CUL4B: variants seen among roughly 807,000 people sequenced by gnomAD.
The protein encoded by CUL4B is cullin 4B.
A neutral mutation model predicts 69.2 loss-of-function variants in CUL4B; 1 was observed. The observed-to-expected ratio is 0.01, with a 90% CI of 0.01 to 0.07. The LOEUF (loss-of-function observed/expected upper bound fraction) is 0.07. Among genes scored for constraint, CUL4B ranks in the 10% least tolerant of loss-of-function variants. The probability of loss-of-function intolerance (pLI) is 1.00; values close to 1 mark genes in which losing one functional copy is unlikely to be tolerated. For missense variants in CUL4B, 328 were observed against 638.8 expected (o/e 0.51, Z 5.24); for synonymous variants, 237 against 223.2 (o/e 1.06, Z -0.55).
chrX:120,555,981 C>A (rs1278483628), intron 2 of CUL4B, among the ~76,000 whole-genome samples: 2 of 106,159 alleles, frequency 1.9e-5, no homozygotes, highest in Admixed American at 2.0e-4. Context: ...GTAACTACTA[C>A]CCTACGTACC....
chrX:120,538,910 A>G, intron 12 of CUL4B, 140 bp from the exon 13 acceptor site: 1 of 457,618 alleles, frequency 2.2e-6, no homozygotes, highest in Non-Finnish European at 3.7e-6. Context: ...TAAATGCAAG[A>G]AACAGTAGAG....
chrX:120,535,362 C>T (rs1390609774), intron 16 of CUL4B, among the ~76,000 whole-genome samples: 2 of 110,857 alleles, frequency 1.8e-5, no homozygotes, highest in South Asian at 3.8e-4. Context: ...AAAGCTATGA[C>T]AAACTATCAC....
chrX:120,566,937 G>A (rs1234029093), downstream of CUL4B, among the ~76,000 whole-genome samples: 1 of 110,353 alleles, frequency 9.1e-6, no homozygotes, highest in Non-Finnish European at 1.9e-5. Flanking sequence ...CCAAGGACTT[G>A]CTTATGGAGT....
intron 14 of CUL4B, 24 bp from the exon 15 acceptor site, chrX:120,537,058 C>T (rs780970623): frequency 2.9e-6 from 3 of 1,025,247 alleles, no homozygotes; most frequent in East Asian, 3.0e-5. Flanking sequence ...AAAACACACA[C>T]TGAGATCTTA....
rs1486203578 is a variant in CUL4B at position 120,536,095 on chromosome X, C to T, written c.2047-152G>A. On this transcript the variant is annotated intron_variant, in intron 15 of 19. Coordinates refer to ENST00000371322, the MANE Select transcript of CUL4B (RefSeq NM_001079872.2). ...CACTTTGATGAAAAACAATGATCTCCCAACCACCAAATCAAATGGGATTTA... is the reference window on the plus strand; with the variant it reads ...CACTTTGATGAAAAACAATGATCTCTCAACCACCAAATCAAATGGGATTTA... 1.1e-5 allele frequency: 5 copies of T among 467,994 alleles called. No individual in the cohort carries two copies. The East Asian group carries it at 1.9e-4, about 18-fold the overall frequency. The allele number at this position is 467,994 out of a possible 1,213,427, so 38.6% of individuals were successfully genotyped here.
At chrX:120,528,552 CT>C (rs1422885026) in intron 19 of CUL4B, among the ~76,000 whole-genome samples, 3 of 110,503 alleles carry the variant, frequency 2.7e-5, no homozygotes, top group African/African-American at 9.9e-5. Context: ...AAAACCCCGT[CT>C]CTACTAAAAA....
At chrX:120,567,867 C>G (rs1925602302), downstream of CUL4B, among the ~76,000 whole-genome samples, 1 of 103,201 alleles carries the variant, frequency 9.7e-6, no homozygotes, top group Non-Finnish European at 2.0e-5. Flanking sequence ...AAGTAAGACT[C>G]TGAAGAAAAA....
rs747816205 is a variant in CUL4B at position 120,534,477 on chromosome X, A to T, written c.2266+4T>A. 5.4e-5 allele frequency: 62 copies of T among 1,151,833 alleles called. 1 individual carries two copies. In the Middle Eastern group the frequency reaches 4.0e-3, roughly 75 times the overall value. 94.9% of individuals were successfully genotyped at this position (1,151,833 alleles called of 1,213,427 possible). On this transcript the variant is annotated splice_donor_region_variant and intron_variant, in intron 17 of 19. Coordinates refer to ENST00000371322, the MANE Select transcript of CUL4B (RefSeq NM_001079872.2). ...ATAGTGAACAATTAATGTTTGCTACAAACCTATTCCAGTTGCCTGCTTGAT... is the reference window on the plus strand; with the variant it reads ...ATAGTGAACAATTAATGTTTGCTACTAACCTATTCCAGTTGCCTGCTTGAT...
chrX:120,559,042 C>T (rs1925137442), intron 1 of CUL4B, among the ~76,000 whole-genome samples: 1 of 110,917 alleles, frequency 9.0e-6, no homozygotes, highest in African/African-American at 3.3e-5. Flanking sequence ...ATAGACAACA[C>T]CATAGCCCTC....
rs901982029 is a variant in CUL4B at position 120,560,700 on chromosome X, G to C, written c.-62C>G. 2 of 1,160,298 alleles carry C rather than the reference G, an allele frequency of 1.7e-6. No homozygotes were observed. Among genetic ancestry groups the C allele is most frequent in the African/African-American group, 3.6e-5 (2 of 56,105 alleles). On this transcript the variant is annotated 5_prime_UTR_variant, in exon 1 of 20. Transcript: ENST00000371322. ...AACCTACGTTTATATGCCTGCGTGC[G>C]TGTAGGAGAGAAGGTAGCAATGCTA... is the stretch of plus-strand genomic sequence containing the variant.
intron 2 of CUL4B, among the ~76,000 whole-genome samples, chrX:120,550,144 C>T (rs771328045): frequency 8.9e-6 from 1 of 112,095 alleles, no homozygotes; most frequent in Admixed American, 9.5e-5. Flanking sequence ...CATCATACCA[C>T]ACTGACTTAG....
chrX:120,526,178 C>T lies in CUL4B; in HGVS notation c.*583G>A. The T allele has an allele frequency of 8.8e-6, 1 of 113,604 alleles. No homozygotes were observed. Among genetic ancestry groups the T allele is most frequent in the Non-Finnish European group, 1.9e-5 (1 of 53,528 alleles). 9.4% of individuals were successfully genotyped at this position (113,604 alleles called of 1,213,427 possible). A position where few individuals can be genotyped will look rare whatever the true frequency, so the allele number is the denominator to read the frequency against. On this transcript the variant is annotated 3_prime_UTR_variant, in exon 20 of 20. Transcript: ENST00000371322. Reference sequence around the variant, plus strand: ...GTCCCCCTACTTGAAAACTTGTTTCCAAATAATTTTTTTTAAAAAACATCC... The same window carrying T: ...GTCCCCCTACTTGAAAACTTGTTTCTAAATAATTTTTTTTAAAAAACATCC...
intron 16 of CUL4B, 116 bp from the exon 17 acceptor site, chrX:120,534,702 T>A: frequency 1.8e-6 from 1 of 543,146 alleles, no homozygotes; most frequent in Non-Finnish European, 3.2e-6. Flanking sequence ...TGATTAGCAT[T>A]ATCCAGCAAA....
At chrX:120,565,059 T>C (rs765728839), upstream of CUL4B, among the ~76,000 whole-genome samples, 1 of 112,374 alleles carries the variant, frequency 8.9e-6, no homozygotes, top group Admixed American at 9.4e-5. Flanking sequence ...TGTCAATTCC[T>C]TTATTTCTGT....
At chrX:120,562,611 T>C (rs1026984524), upstream of CUL4B, among the ~76,000 whole-genome samples, 1 of 111,832 alleles carries the variant, frequency 8.9e-6, no homozygotes, top group Non-Finnish European at 1.9e-5. Flanking sequence ...AAATCTGGAA[T>C]AGGAAGAGTT....
At position 120,541,615 on chromosome X, in the gene CUL4B, A is replaced by T; in HGVS notation, c.1430T>A (p.Ile477Asn). ...AATTGTTAATACCTTGATATATTCG[A>T]TCCACTGCTGCAAAAGAACCTGAAC... ...GGVQVLLQQW[I>N]EYIKAFGSTI... Residue 477 changes from isoleucine to asparagine, a missense_variant, in exon 10 of 20, where the codon ATC (isoleucine) becomes AAC (asparagine). Coordinates refer to ENST00000371322, the MANE Select transcript of CUL4B (RefSeq NM_001079872.2). The T allele has an allele frequency of 8.4e-7, 1 of 1,184,407 alleles. No homozygotes were observed. The highest frequency in any genetic ancestry group is 1.1e-6 in the Non-Finnish European group (1 of 870,470).
chrX:120,533,425 A>G (rs1026785030), intron 17 of CUL4B, among the ~76,000 whole-genome samples: 6 of 111,930 alleles, frequency 5.4e-5, no homozygotes, highest in African/African-American at 1.9e-4. Context: ...GGCCCTACTC[A>G]TCTTACCTAA....
rs60058698 is a variant in CUL4B at position 120,543,495 on chromosome X, AACACACACAC to A, written c.1256+222_1256+231del. On this transcript the variant is annotated intron_variant, in intron 8 of 19. Transcript: ENST00000371322. ...AGTATTATTTCTAAATTACCTTCTA[AACACACACAC>A]ACACACACACACACACACACACACA... Among the ~76,000 whole-genome samples the A allele has an allele frequency of 0.011, 1,096 of 97,821 alleles. 13 individuals are homozygous for A. The highest frequency in any genetic ancestry group is 0.037 in the African/African-American group (987 of 26,552). 84.9% of individuals were successfully genotyped at this position (97,821 alleles called of 115,157 possible). A position where few individuals can be genotyped will look rare whatever the true frequency, so the allele number is the denominator to read the frequency against.
Position 120,556,907 on chromosome X carries a change from A to C in CUL4B, c.672+1017T>G, listed in dbSNP as rs866036107. The stretch of plus-strand genomic sequence containing the variant: ...TTCAAGCTATTGTACTCTGAAGTAT[A>C]TATATATTTTTTTTTTTTTTTGAGA... On this transcript the variant is annotated intron_variant, in intron 2 of 19. Transcript: ENST00000371322. Among the ~76,000 whole-genome samples, 327 of 74,990 alleles carry C rather than the reference A, an allele frequency of 4.4e-3. 1 individual carries two copies. The highest frequency in any genetic ancestry group is 0.018 in the African/African-American group (319 of 17,600). 65.1% of individuals were successfully genotyped at this position (74,990 alleles called of 115,157 possible). A position where few individuals can be genotyped will look rare whatever the true frequency, so the allele number is the denominator to read the frequency against.
Sources: gnomAD v4.1 joint callset for allele counts (sites outside exome capture counted in the v4.1 genomes callset) on GRCh38, gnomAD v4.1.1 for gene constraint, MANE v1.5 for transcripts, NCBI Gene and HGNC (gene_info 2026-07-23, HGNC 2026-07-21) for gene names.